The following OPRM1 variants were observed in gnomAD, a reference collection of about 807,000 sequenced individuals.
OPRM1 encodes the protein mu-type opioid receptor.
In OPRM1, 27 loss-of-function variants were observed where a neutral mutation model predicts 31.8. That is an observed-to-expected ratio of 0.85 (90% CI 0.63 to 1.17). The LOEUF is 1.17. Ranked by LOEUF, OPRM1 falls within the 50% of genes most tolerant of loss-of-function variation. OPRM1 has a pLI of 0.00. For missense variants in OPRM1, 536 were observed against 511.1 expected (o/e 1.05, Z -0.47); for synonymous variants, 196 against 189.9 (o/e 1.03, Z -0.26).
At chr6:154,041,590 G>C (rs1328748212) in intron 1 of OPRM1, among the ~76,000 whole-genome samples, 1 of 151,852 alleles carries the variant, frequency 6.6e-6, no homozygotes, top group African/African-American at 2.4e-5. Flanking sequence ...AGAACAGATA[G>C]TTCATTAATT....
At chr6:154,050,072 G>A (rs1781892287) in intron 1 of OPRM1, among the ~76,000 whole-genome samples, 1 of 152,152 alleles carries the variant, frequency 6.6e-6, no homozygotes, top group Non-Finnish European at 1.5e-5. Flanking sequence ...GTTTGAGTAG[G>A]AATAGTATTA....
At chr6:154,212,784 G>A in intron 3 of OPRM1, 1 of 1,611,534 alleles carries the variant, frequency 6.2e-7, no homozygotes, top group Non-Finnish European at 8.5e-7. Flanking sequence ...GACTGAGTCT[G>A]GGAAGCGTGA....
chr6:154,068,648 A>G (rs7453922), intron 1 of OPRM1, among the ~76,000 whole-genome samples: 21,973 of 152,174 alleles, frequency 0.14, 1,697 homozygotes, highest in Non-Finnish European at 0.17. Flanking sequence ...GTTATTGTGA[A>G]TAGTGCTGCA....
rs1583641786 is a variant in OPRM1, at chr6:154,132,301, AT to A, written c.*13581del. Among the ~76,000 whole-genome samples, 2 of 152,232 alleles carry A rather than the reference AT, an allele frequency of 1.3e-5. No homozygotes were observed. Among genetic ancestry groups the A allele is most frequent in the East Asian group, 3.8e-4 (2 of 5,206 alleles). Reference sequence around the variant, plus strand: ...TTAGGCTGTATTGTAAGTTTCCTGCATGTAATATGTAATGTGTAATTATATG... The same window carrying A: ...TTAGGCTGTATTGTAAGTTTCCTGCAGTAATATGTAATGTGTAATTATATG... On this transcript the variant is annotated 3_prime_UTR_variant, in exon 4 of 4. Transcript: ENST00000330432.
intron 1 of OPRM1, among the ~76,000 whole-genome samples, chr6:154,072,856 C>T (rs970750702): frequency 1.4e-4 from 21 of 152,314 alleles, no homozygotes; most frequent in African/African-American, 5.1e-4. Flanking sequence ...ACTCAACCAC[C>T]TGATTGCCTG....
Position 154,125,751 on chromosome 6 carries a change from T to G in OPRM1, c.*7030T>G, listed in dbSNP as rs957062865. ...CGCTCTTTCGCTTCAAATGCATAAA[T>G]GTTTTATTTAAGTTTGCATTGCCCA... On this transcript the variant is annotated 3_prime_UTR_variant, in exon 4 of 4. Transcript: ENST00000330432. Among the ~76,000 whole-genome samples, 24 of 152,260 alleles carry G rather than the reference T, an allele frequency of 1.6e-4. No individual in the cohort carries two copies. Among genetic ancestry groups the G allele is most frequent in the Non-Finnish European group, 3.4e-4 (23 of 68,040 alleles).
intron 1 of OPRM1, among the ~76,000 whole-genome samples, chr6:154,021,846 TC>T (rs1366468863): frequency 6.2e-4 from 95 of 152,024 alleles, no homozygotes; most frequent in African/African-American, 2.2e-3. Context: ...GAGGGTTTTC[TC>T]TTTTTTTTGG....
intron 1 of OPRM1, among the ~76,000 whole-genome samples, chr6:154,052,693 G>A (rs1332808976): frequency 6.6e-6 from 1 of 152,112 alleles, no homozygotes; most frequent in Non-Finnish European, 1.5e-5. Flanking sequence ...TTTTATTCTT[G>A]CAGTGGTCAT....
intron 1 of OPRM1, among the ~76,000 whole-genome samples, chr6:154,072,429 T>G (rs17181115): frequency 1.2e-4 from 18 of 152,334 alleles, no homozygotes; most frequent in Middle Eastern, 3.4e-3. Flanking sequence ...AAGGTTGAAA[T>G]GTATTTTCAA....
chr6:154,219,958 G>A (rs946052248), intron 3 of OPRM1, among the ~76,000 whole-genome samples: 2 of 151,350 alleles, frequency 1.3e-5, no homozygotes, highest in Non-Finnish European at 2.9e-5. Context: ...CTTCTAGCTG[G>A]ACAGAGCTGA....
chr6:154,145,712 C>G (rs1798342556), intron 3 of OPRM1, among the ~76,000 whole-genome samples: 1 of 152,226 alleles, frequency 6.6e-6, no homozygotes, highest in South Asian at 2.1e-4. Context: ...GAGGAAGCAG[C>G]AGTCTGCCCT....
chr6:154,135,071 T>C (rs1248085497), downstream of OPRM1, among the ~76,000 whole-genome samples: 1 of 152,210 alleles, frequency 6.6e-6, no homozygotes, highest in Non-Finnish European at 1.5e-5. Context: ...TAACAACGCT[T>C]TTTAAATTTC....
chr6:154,170,180 T>G (rs554023817), intron 3 of OPRM1, among the ~76,000 whole-genome samples: 2 of 152,346 alleles, frequency 1.3e-5, no homozygotes, highest in Admixed American at 6.5e-5. Context: ...CTATTTTTCC[T>G]TTATTCCTTG....
rs1354355997 is a variant in OPRM1 at position 154,122,930 on chromosome 6, G to T, written c.*4209G>T. Among the ~76,000 whole-genome samples the T allele has an allele frequency of 6.6e-6, 1 of 152,134 alleles. No individual in the cohort carries two copies. Among genetic ancestry groups the T allele is most frequent in the Non-Finnish European group, 1.5e-5 (1 of 68,016 alleles). On this transcript the variant is annotated 3_prime_UTR_variant, in exon 4 of 4. Coordinates refer to ENST00000330432, the MANE Select transcript of OPRM1 (RefSeq NM_000914.5). ...GAAAGTGAAATGGGTCAGGATCAAT[G>T]GTCTCATTGTCTAAGGTGTTATCCG...
Position 154,091,473 on chromosome 6 carries a change from G to C in OPRM1, c.1164+1G>C. 6.2e-7 allele frequency: 1 copy of C among 1,608,026 alleles called. No individual in the cohort carries two copies. The highest frequency in any genetic ancestry group is 8.5e-7 in the Non-Finnish European group (1 of 1,178,814). On this transcript the variant is annotated splice_donor_variant, in intron 3 of 3. Transcript: ENST00000330432. LOFTEE classifies it high-confidence loss of function. ...TACAGTGGATAGAACTAATCATCAG[G>C]TACGCAGTCTCTAGAATTAGGTATA...
At chr6:154,113,552 C>T (rs1450598204) in intron 3 of OPRM1, among the ~76,000 whole-genome samples, 1 of 152,158 alleles carries the variant, frequency 6.6e-6, no homozygotes, top group African/African-American at 2.4e-5. Context: ...CTGGACAGCC[C>T]TCCATAGCAT....
At chr6:154,020,136 G>A (rs1328547746) in intron 1 of OPRM1, among the ~76,000 whole-genome samples, 1 of 151,996 alleles carries the variant, frequency 6.6e-6, no homozygotes, top group Non-Finnish European at 1.5e-5. Context: ...TTCCAATTTT[G>A]ACAATTATGA....
chr6:154,028,016 C>T (rs1778797809), intron 1 of OPRM1, among the ~76,000 whole-genome samples: 1 of 152,180 alleles, frequency 6.6e-6, no homozygotes, highest in Non-Finnish European at 1.5e-5. Flanking sequence ...CCCTTTGCTT[C>T]TCCCTCCCCC....
At chr6:154,104,650 C>G (rs978681158) in intron 3 of OPRM1, among the ~76,000 whole-genome samples, 1 of 152,230 alleles carries the variant, frequency 6.6e-6, no homozygotes, top group South Asian at 2.1e-4. Flanking sequence ...TAATATTTCT[C>G]TCTCTAGTTT....
Sources: allele counts gnomAD v4.1 joint callset (sites outside exome capture counted in the v4.1 genomes callset), GRCh38; gene constraint gnomAD v4.1.1; transcripts MANE v1.5; gene names NCBI Gene and HGNC (gene_info 2026-07-23, HGNC 2026-07-21).